Variants in CSK observed in about 807,000 individuals in gnomAD.
CSK encodes tyrosine-protein kinase CSK.
In CSK, 7 loss-of-function variants were observed where a neutral mutation model predicts 62.3. The observed-to-expected ratio is 0.11, with a 90% CI of 0.06 to 0.21. CSK has a LOEUF of 0.21. CSK is among the 10% of genes least tolerant of loss of function. The pLI, the probability that CSK is intolerant of heterozygous loss-of-function variation, is 1.00. For missense variants in CSK, 294 were observed against 613.5 expected (o/e 0.48, Z 5.50); for synonymous variants, 237 against 246.0 (o/e 0.96, Z 0.34).
chr15:74,784,340 C>A (rs892349578), intron 1 of CSK, among the ~76,000 whole-genome samples: 13 of 152,150 alleles, frequency 8.5e-5, no homozygotes, highest in African/African-American at 3.1e-4. Flanking sequence ...GCCTGAGGGA[C>A]TGGGGCTGGA....
chr15:74,798,068 C>G lies in CSK; in HGVS notation c.-65-165C>G. 1 of 525,948 alleles carries G rather than the reference C, an allele frequency of 1.9e-6. No individual in the cohort carries two copies. Among genetic ancestry groups the G allele is most frequent in the Non-Finnish European group, 3.4e-6 (1 of 295,974 alleles). The allele number at this position is 525,948 out of a possible 1,614,324, so 32.6% of individuals were successfully genotyped here. On this transcript the variant is annotated intron_variant, in intron 1 of 12. Coordinates refer to ENST00000220003, the MANE Select transcript of CSK (RefSeq NM_004383.3). This position sits in a 1 kb window ranked among gnomAD's most constrained non-coding sequence, Gnocchi z 6.6. The stretch of plus-strand genomic sequence containing the variant: ...GGGGGTCCTCAGCCCTCATGCTCCT[C>G]TACCCAGTACCGTCAGCCTGCCAGG...
rs1555464578 is a variant in CSK, at chr15:74,786,013, T to TTG, written c.-66+3322_-66+3323dup. On this transcript the variant is annotated intron_variant, in intron 1 of 12. Coordinates refer to ENST00000220003, the MANE Select transcript of CSK (RefSeq NM_004383.3). ...CTCTCTCTCTCTCTCTTTTTTTTTT[T>TTG]TGTGTGTGTGTGTGTGTGTGTGTGT... Among the ~76,000 whole-genome samples, 293 of 47,840 alleles carry TTG rather than the reference T, an allele frequency of 6.1e-3. 9 individuals are homozygous for TTG. Among genetic ancestry groups the TTG allele is most frequent in the Non-Finnish European group, 9.4e-3 (170 of 18,036 alleles). The allele number at this position is 47,840 out of a possible 152,430, so 31.4% of individuals were successfully genotyped here.
At chr15:74,789,528 C>T (rs2063584314) in intron 1 of CSK, among the ~76,000 whole-genome samples, 1 of 152,208 alleles carries the variant, frequency 6.6e-6, no homozygotes, top group African/African-American at 2.4e-5. Context: ...TGGTGGGTGC[C>T]CCGCCCTCCT....
Position 74,798,173 on chromosome 15 carries a change from C to A in CSK, c.-65-60C>A. On this transcript the variant is annotated intron_variant, in intron 1 of 12. Coordinates refer to ENST00000220003, the MANE Select transcript of CSK (RefSeq NM_004383.3). The surrounding 1 kb of genome is among the most constrained non-coding windows in gnomAD (Gnocchi z 6.6). ...GTTCATGCCCAGTGAGGAGCCAGAT[C>A]TCAGCAGTTGGGGGGCATTTCTTCA... The A allele has an allele frequency of 2.8e-6, 3 of 1,070,492 alleles. No homozygotes were observed. The highest frequency in any genetic ancestry group is 2.7e-6 in the Non-Finnish European group (2 of 751,568). The allele number at this position is 1,070,492 out of a possible 1,614,324, so 66.3% of individuals were successfully genotyped here.
In CSK at chr15:74,802,660, GGCCCC is replaced by G. The variant is rs981382326; in HGVS notation, c.*149_*153del. 14 of 999,602 alleles carry G rather than the reference GGCCCC, an allele frequency of 1.4e-5. No homozygotes were observed. The African/African-American group carries it at 2.2e-4, about 16-fold the overall frequency. 61.9% of individuals were successfully genotyped at this position (999,602 alleles called of 1,614,324 possible). Reference sequence around the variant, plus strand: ...CCTGCGTCCCAGCCTGCACCCCTCCGGCCCCGTCTCTCTTGGACCCACCTGTGGGG... The same window carrying G: ...CCTGCGTCCCAGCCTGCACCCCTCCGGTCTCTCTTGGACCCACCTGTGGGG... On this transcript the variant is annotated 3_prime_UTR_variant, in exon 13 of 13. Transcript: ENST00000220003.
At chr15:74,793,690 G>T (rs2063660199) in intron 1 of CSK, among the ~76,000 whole-genome samples, 1 of 152,250 alleles carries the variant, frequency 6.6e-6, no homozygotes, top group Non-Finnish European at 1.5e-5. Context: ...GCCTGGCACA[G>T]AATAAGTGCT....
Position 74,800,270 on chromosome 15 carries a change from A to G in CSK, c.463-142A>G. 1.3e-5 allele frequency: 9 copies of G among 689,564 alleles called. No individual in the cohort carries two copies. The South Asian group carries it at 1.5e-4, about 12-fold the overall frequency. 42.7% of individuals were successfully genotyped at this position (689,564 alleles called of 1,614,324 possible). ...CTGGGACTTCCCTAACCCCTGCCCT[A>G]CCAGAAATGGGGAGCCCTCCCCACT... On this transcript the variant is annotated intron_variant, in intron 5 of 12. Coordinates refer to ENST00000220003, the MANE Select transcript of CSK (RefSeq NM_004383.3).
At chr15:74,789,360 T>A (rs1367890962) in intron 1 of CSK, among the ~76,000 whole-genome samples, 1 of 152,202 alleles carries the variant, frequency 6.6e-6, no homozygotes, top group Non-Finnish European at 1.5e-5. Context: ...GTGGGGGTGC[T>A]GAGGGACCAC....
chr15:74,798,620 C>T lies in CSK; in HGVS notation c.21C>T (p.Ala7=). Reference sequence around the variant, plus strand: ...ACGTGTCACCTGCCTTGCAGGCCGCCTGGCCATCCGGTACAGAATGTATTG... The same window carrying T: ...ACGTGTCACCTGCCTTGCAGGCCGCTTGGCCATCCGGTACAGAATGTATTG... MSAIQA[A]WPSGTECIAK... The change falls in exon 3 of 13, where the codon GCC becomes GCT. Residue 7 remains alanine (A), a synonymous_variant. Coordinates refer to ENST00000220003, the MANE Select transcript of CSK (RefSeq NM_004383.3). The surrounding 1 kb of genome is among the most constrained non-coding windows in gnomAD (Gnocchi z 6.6). The T allele has an allele frequency of 6.2e-7, 1 of 1,613,270 alleles. No homozygotes were observed. The highest frequency in any genetic ancestry group is 8.5e-7 in the Non-Finnish European group (1 of 1,179,926).
chr15:74,784,395 T>TTTTTA lies in CSK; in HGVS notation c.-66+1695_-66+1699dup, dbSNP rs371535326. ...CTCCCACCCCAGTCAGCCTTTTTAA[T>TTTTTA]TTTTATTTTATTTTATTTTATTTTT... On this transcript the variant is annotated intron_variant, in intron 1 of 12. Transcript: ENST00000220003. 1.7e-3 allele frequency among the ~76,000 whole-genome samples: 253 copies of TTTTTA among 152,106 alleles called. 1 individual carries two copies. The highest frequency in any genetic ancestry group is 2.6e-3 in the Non-Finnish European group (180 of 67,988).
chr15:74,787,115 C>T (rs1348865674), intron 1 of CSK, among the ~76,000 whole-genome samples: 1 of 152,210 alleles, frequency 6.6e-6, no homozygotes, highest in Non-Finnish European at 1.5e-5. Flanking sequence ...GCAGGCCACC[C>T]CCAACGCCCG....
intron 1 of CSK, among the ~76,000 whole-genome samples, chr15:74,786,013 T>TTTTTGTGTGTGTGTG: frequency 8.4e-5 from 4 of 47,840 alleles, no homozygotes; most frequent in Admixed American, 1.5e-4. Context: ...TTTTTTTTTT[T>TTTTTGTGTGTGTGTG]TGTGTGTGTG....
chr15:74,791,221 G>A (rs1411918760), intron 1 of CSK, among the ~76,000 whole-genome samples: 2 of 151,988 alleles, frequency 1.3e-5, no homozygotes, highest in Non-Finnish European at 2.9e-5. Flanking sequence ...AACACAACTT[G>A]TAGTATTCCA....
chr15:74,799,035 T>G (rs1596372269), intron 4 of CSK, 97 bp downstream of exon 4: 1 of 1,192,330 alleles, frequency 8.4e-7, no homozygotes, highest in Non-Finnish European at 1.1e-6. Flanking sequence ...GGGGCTTGGG[T>G]GTTGGGGAGG....
intron 1 of CSK, among the ~76,000 whole-genome samples, chr15:74,789,076 C>G (rs2063574717): frequency 6.6e-6 from 1 of 152,232 alleles, no homozygotes; most frequent in South Asian, 2.1e-4. Context: ...CCCCACCTCT[C>G]CCAAACCACT....
Position 74,802,633 on chromosome 15 carries a change from T to C in CSK, c.*120T>C. On this transcript the variant is annotated 3_prime_UTR_variant, in exon 13 of 13. Coordinates refer to ENST00000220003, the MANE Select transcript of CSK (RefSeq NM_004383.3). ...AGCCCCAGCGGGCTGGCGGGCCTTT[T>C]TCCTGCGTCCCAGCCTGCACCCCTC... is the stretch of plus-strand genomic sequence containing the variant. 1 of 1,290,298 alleles carries C rather than the reference T, an allele frequency of 7.8e-7. No individual in the cohort carries two copies. The highest frequency in any genetic ancestry group is 1.1e-6 in the Non-Finnish European group (1 of 943,206). The allele number at this position is 1,290,298 out of a possible 1,614,324, so 79.9% of individuals were successfully genotyped here.
intron 4 of CSK, 39 bp from the exon 5 acceptor site, chr15:74,799,233 C>G: frequency 1.2e-5 from 19 of 1,578,270 alleles, no homozygotes; most frequent in Non-Finnish European, 1.5e-5. Flanking sequence ...GGGTCAGTAC[C>G]TTTGGGCCAC....
At chr15:74,790,280 A>G (rs1271792723) in intron 1 of CSK, among the ~76,000 whole-genome samples, 1 of 152,224 alleles carries the variant, frequency 6.6e-6, no homozygotes, top group Non-Finnish European at 1.5e-5. Context: ...CCCATTAGGC[A>G]GCAGAGTTTT....
intron 1 of CSK, among the ~76,000 whole-genome samples, chr15:74,785,530 C>T (rs909222176): frequency 5.9e-5 from 9 of 152,156 alleles, no homozygotes; most frequent in East Asian, 1.9e-4. Context: ...TGCTGAGCCT[C>T]GTTGATATAA....
Sources: allele counts gnomAD v4.1 joint callset (sites outside exome capture counted in the v4.1 genomes callset), GRCh38; gene constraint gnomAD v4.1.1; non-coding constraint Gnocchi (gnomAD v3.1); transcripts MANE v1.5; gene names NCBI Gene and HGNC (gene_info 2026-07-23, HGNC 2026-07-21).